Variants in HAS2 observed in about 807,000 individuals in gnomAD.
HAS2 encodes hyaluronan synthase 2.
In HAS2, 16 loss-of-function variants were observed where a neutral mutation model predicts 51.6. The observed-to-expected ratio is 0.31, with a 90% CI of 0.21 to 0.47. The LOEUF (loss-of-function observed/expected upper bound fraction) is 0.47. Among genes scored for constraint, HAS2 ranks in the 20% least tolerant of loss-of-function variants. HAS2 has a pLI of 1.00. For synonymous variants in HAS2, 228 were observed against 235.5 expected (o/e 0.97, Z 0.29); for missense variants, 361 against 662.6 (o/e 0.54, Z 5.00).
rs151045041 is a variant in HAS2 at position 121,628,206 on chromosome 8, A to AT, written c.627+507dup. Among the ~76,000 whole-genome samples, 152 of 149,064 alleles carry AT rather than the reference A, an allele frequency of 1.0e-3. No homozygotes were observed. In the Middle Eastern group the frequency reaches 0.014, roughly 13 times the overall value. ...TTTCCTTTTCCTTCTCTCAATTTTA[A>AT]TTTTTTTTTTCTCTTTTAAATGAAA... is the stretch of plus-strand genomic sequence containing the variant. On this transcript the variant is annotated intron_variant, in intron 2 of 3. Coordinates refer to ENST00000303924, the MANE Select transcript of HAS2 (RefSeq NM_005328.3).
At chr8:121,637,062 T>A (rs1238204857) in intron 1 of HAS2, among the ~76,000 whole-genome samples, 3 of 152,208 alleles carry the variant, frequency 2.0e-5, no homozygotes, top group Non-Finnish European at 4.4e-5. Flanking sequence ...GGATTAGATA[T>A]ATGTATGTAA....
intron 2 of HAS2, among the ~76,000 whole-genome samples, chr8:121,624,041 C>T (rs1234555740): frequency 2.0e-5 from 3 of 152,198 alleles, no homozygotes; most frequent in African/African-American, 7.2e-5. Context: ...CTGGCCACAA[C>T]ATTTTGACAA....
chr8:121,617,053 C>T (rs938924218), intron 3 of HAS2, 52 bp downstream of exon 3: 31 of 962,970 alleles, frequency 3.2e-5, no homozygotes, highest in Non-Finnish European at 5.2e-5. Flanking sequence ...AGTAAAAGTG[C>T]TCTTAAAAGT....
intron 1 of HAS2, among the ~76,000 whole-genome samples, chr8:121,637,537 G>T (rs571620307): frequency 6.6e-6 from 1 of 151,774 alleles, no homozygotes; most frequent in South Asian, 2.1e-4. Context: ...ATTACAGGTG[G>T]CCACCACCAC....
At chr8:121,634,445 C>T (rs1247936934) in intron 1 of HAS2, among the ~76,000 whole-genome samples, 1 of 151,704 alleles carries the variant, frequency 6.6e-6, no homozygotes, top group East Asian at 2.0e-4. Context: ...ATGCTCTCTC[C>T]CCTTAACCTG....
intron 2 of HAS2, among the ~76,000 whole-genome samples, chr8:121,622,384 A>G (rs1261154396): frequency 6.6e-6 from 1 of 152,132 alleles, no homozygotes; most frequent in Non-Finnish European, 1.5e-5. Context: ...CCACCTATGT[A>G]AACTCGGACT....
In HAS2 at chr8:121,629,164, G is replaced by A. The variant is rs1563622932; in HGVS notation, c.177C>T (p.Ile59=). The A allele has an allele frequency of 6.2e-7, 1 of 1,614,074 alleles. No individual in the cohort carries two copies. Among genetic ancestry groups the A allele is most frequent in the Non-Finnish European group, 8.5e-7 (1 of 1,179,916 alleles). Residue 59 remains isoleucine (I), a synonymous_variant, in exon 2 of 4, where the codon ATC becomes ATT. Coordinates refer to ENST00000303924, the MANE Select transcript of HAS2 (RefSeq NM_005328.3). ...GCTCCAAAAAGGCAAACAGGCTTTG[G>A]ATGATGAGGTGTGATGCCAAAAAGG... The part of the protein sequence containing the change: ...YGAFLASHLI[I]QSLFAFLEHR...
intron 1 of HAS2, among the ~76,000 whole-genome samples, chr8:121,633,739 A>T (rs1482489022): frequency 2.0e-5 from 3 of 152,128 alleles, no homozygotes; most frequent in Non-Finnish European, 4.4e-5. Context: ...CATATACCCC[A>T]GTGGGACTCT....
chr8:121,621,772 C>A (rs1334031558), intron 2 of HAS2, among the ~76,000 whole-genome samples: 1 of 152,138 alleles, frequency 6.6e-6, no homozygotes, highest in African/African-American at 2.4e-5. Flanking sequence ...ATACTGTTAT[C>A]TATTCTACCA....
rs1004540839 is a variant in HAS2, at chr8:121,616,996, C to G, written c.729+109G>C. On this transcript the variant is annotated intron_variant, in intron 3 of 3. Coordinates refer to ENST00000303924, the MANE Select transcript of HAS2 (RefSeq NM_005328.3). ...GTGTCTCAAGCACCAACAACAACAC[C>G]TGGCACAGAGTTAGTGTTTAATAAA... 1.9e-4 allele frequency: 129 copies of G among 677,204 alleles called. 1 individual carries two copies. The highest frequency in any genetic ancestry group is 1.0e-3 in the South Asian group (56 of 53,782). The allele number at this position is 677,204 out of a possible 1,614,324, so 41.9% of individuals were successfully genotyped here.
At chr8:121,617,264 C>G in intron 2 of HAS2, 58 bp from the exon 3 acceptor site, 2 of 1,025,872 alleles carry the variant, frequency 1.9e-6, no homozygotes, top group Non-Finnish European at 3.0e-6. Flanking sequence ...AAATACATTC[C>G]CTGTAGTCAA....
At chr8:121,639,782 A>T (rs984372372) in intron 1 of HAS2, 1 of 152,240 alleles carries the variant, frequency 6.6e-6, no homozygotes, top group Non-Finnish European at 1.5e-5. Flanking sequence ...GCCCTGGCTC[A>T]CGCTGGGCGG....
chr8:121,619,146 C>T (rs959479348), intron 2 of HAS2, among the ~76,000 whole-genome samples: 3 of 151,164 alleles, frequency 2.0e-5, no homozygotes, highest in East Asian at 2.0e-4. Flanking sequence ...GAAGCTAAGG[C>T]GGGGGGATTG....
intron 1 of HAS2, among the ~76,000 whole-genome samples, chr8:121,634,068 G>A (rs190995454): frequency 2.0e-5 from 3 of 152,014 alleles, no homozygotes; most frequent in Non-Finnish European, 2.9e-5. Flanking sequence ...GTGCCACCAC[G>A]CCTGGCTAAT....
At chr8:121,616,811 T>C (rs993930206) in intron 3 of HAS2, among the ~76,000 whole-genome samples, 1 of 152,158 alleles carries the variant, frequency 6.6e-6, no homozygotes, top group African/African-American at 2.4e-5. Context: ...GGCCCAAAGG[T>C]ATATGGTGGA....
intron 2 of HAS2, among the ~76,000 whole-genome samples, chr8:121,628,156 A>G (rs1812878607): frequency 6.6e-6 from 1 of 152,102 alleles, no homozygotes; most frequent in African/African-American, 2.4e-5. Flanking sequence ...CTTTTGCTCG[A>G]AGATTTTTTT....
In HAS2 at chr8:121,614,406, T is replaced by C. The variant is rs745382354; in HGVS notation, c.1362A>G (p.Ala454=). 1.2e-6 allele frequency: 2 copies of C among 1,614,058 alleles called. No individual in the cohort carries two copies. The highest frequency in any genetic ancestry group is 1.7e-6 in the Non-Finnish European group (2 of 1,180,032). Residue 454 remains alanine, a synonymous_variant, in exon 4 of 4, where the codon GCA becomes GCG. Transcript: ENST00000303924. The surrounding 1 kb of genome is among the most constrained non-coding windows in gnomAD (Gnocchi z 7.2). ...ACCCAGCTTTGTTTATTGTTGCAAT[T>C]GCAAACATCTTGGCGGGAAGTAAAC... ...MSSLLPAKMF[A]IATINKAGWG... is the part of the protein sequence containing the mutation.
chr8:121,629,985 G>A (rs1275103307), intron 1 of HAS2, among the ~76,000 whole-genome samples: 1 of 152,026 alleles, frequency 6.6e-6, no homozygotes, highest in Non-Finnish European at 1.5e-5. Flanking sequence ...TGTTAAATGA[G>A]GGATTTTAGA....
At chr8:121,630,911 G>C (rs1812921198) in intron 1 of HAS2, among the ~76,000 whole-genome samples, 2 of 152,252 alleles carry the variant, frequency 1.3e-5, no homozygotes, top group South Asian at 4.1e-4. Flanking sequence ...GTCCTAAGGG[G>C]ATCTGCACTG....
Sources: gnomAD v4.1 joint callset for allele counts (sites outside exome capture counted in the v4.1 genomes callset) on GRCh38, gnomAD v4.1.1 for gene constraint, Gnocchi (gnomAD v3.1) non-coding constraint, MANE v1.5 for transcripts, NCBI Gene and HGNC (gene_info 2026-07-23, HGNC 2026-07-21) for gene names.